The following MUC7 variants were observed in gnomAD, a reference collection of about 807,000 sequenced individuals.
MUC7 encodes mucin-7.
A neutral mutation model predicts 2.5 loss-of-function variants in MUC7; 2 were observed. The ratio of observed to expected loss-of-function variants is 0.81; its 90% CI spans 0.33 to 2.55. The LOEUF is 2.55. Ranked by LOEUF, MUC7 falls within the 30% of genes most tolerant of loss-of-function variation. The pLI is 0.11. For synonymous variants in MUC7, 133 were observed against 173.4 expected (o/e 0.77, Z 1.83); for missense variants, 408 against 455.6 (o/e 0.90, Z 0.95).
intron 1 of MUC7, among the ~76,000 whole-genome samples, chr4:70,472,578 T>C (rs1734862942): frequency 6.6e-6 from 1 of 152,204 alleles, no homozygotes; most frequent in African/African-American, 2.4e-5. Flanking sequence ...GTTTTCTTCT[T>C]AGTGTGCTAG....
intron 1 of MUC7, among the ~76,000 whole-genome samples, chr4:70,438,597 C>T (rs534457432): frequency 1.4e-4 from 22 of 152,170 alleles, no homozygotes; most frequent in South Asian, 4.2e-4. Context: ...CCTGGGACTA[C>T]GGGCATGCAC....
rs1735223844 is a variant in MUC7 at position 70,482,301 on chromosome 4, G to T, written c.*423G>T. 6.0e-6 allele frequency: 1 copy of T among 165,776 alleles called. No individual in the cohort carries two copies. Among genetic ancestry groups the T allele is most frequent in the Admixed American group, 5.7e-5 (1 of 17,630 alleles). 10.3% of individuals were successfully genotyped at this position (165,776 alleles called of 1,614,324 possible). A position where few individuals can be genotyped will look rare whatever the true frequency, so the allele number is the denominator to read the frequency against. On this transcript the variant is annotated 3_prime_UTR_variant, in exon 3 of 3. Transcript: ENST00000304887. ...GGGGTAAAATTGGAACTCTCCAGAT[G>T]AACAAAGACATCTAAATATCTGTAG...
chr4:70,454,361 C>T (rs1336010113), intron 1 of MUC7, among the ~76,000 whole-genome samples: 2 of 152,210 alleles, frequency 1.3e-5, no homozygotes, highest in Non-Finnish European at 2.9e-5. Flanking sequence ...TAGAGCTGGT[C>T]TCATTTTCCT....
chr4:70,436,309 C>G (rs963028275), intron 1 of MUC7, among the ~76,000 whole-genome samples: 2 of 152,130 alleles, frequency 1.3e-5, no homozygotes, highest in Non-Finnish European at 2.9e-5. Flanking sequence ...TAATTTGGTT[C>G]CATTCTCACC....
rs1735193762 is a variant in MUC7, at chr4:70,481,597, C to T, written c.853C>T (p.Pro285Ser). ...TCCACCAGAGACCACAGCTGCCCCACCCACACCTTCTGCAACTACACCAGC... is the reference window on the plus strand; with the variant it reads ...TCCACCAGAGACCACAGCTGCCCCATCCACACCTTCTGCAACTACACCAGC... ...SAPPETTAAP[P>S]TPSATTPAPP... is the part of the protein sequence containing the mutation. The change falls in exon 3 of 3, where the codon CCC becomes TCC. Residue 285 changes from proline to serine, a missense_variant. This residue lies in a region of MUC7 where 175 missense variants were observed against 187.1 expected (regional missense o/e 0.94). Coordinates refer to ENST00000304887, the MANE Select transcript of MUC7 (RefSeq NM_152291.3). 6.2e-7 allele frequency: 1 copy of T among 1,612,574 alleles called. No individual in the cohort carries two copies. Among genetic ancestry groups the T allele is most frequent in the Non-Finnish European group, 8.5e-7 (1 of 1,179,522 alleles).
At chr4:70,448,047 C>G (rs1734188909) in intron 1 of MUC7, among the ~76,000 whole-genome samples, 1 of 152,108 alleles carries the variant, frequency 6.6e-6, no homozygotes, top group Non-Finnish European at 1.5e-5. Flanking sequence ...CAACTTTTTT[C>G]TTTCTGTAAC....
intron 1 of MUC7, among the ~76,000 whole-genome samples, chr4:70,450,975 C>T (rs1734264984): frequency 1.7e-5 from 2 of 117,092 alleles, no homozygotes; most frequent in Admixed American, 1.0e-4. Context: ...ATGTTGCATG[C>T]CCCCCCAGTC....
At position 70,457,422 on chromosome 4, in the gene MUC7, A is replaced by T. The variant is rs148635395; in HGVS notation, c.-92-14793A>T. 2.3e-4 allele frequency among the ~76,000 whole-genome samples: 35 copies of T among 152,252 alleles called. No homozygotes were observed. The East Asian group carries it at 6.7e-3, about 29-fold the overall frequency. On this transcript the variant is annotated intron_variant, in intron 1 of 3. Transcript: ENST00000413702. ...ATGCCACAGCACTCTAGCCTGGGTG[A>T]CAGAGCAAGACCTTGTCTCAATCAA...
At chr4:70,463,559 C>T (rs913681163) in intron 1 of MUC7, among the ~76,000 whole-genome samples, 4 of 152,174 alleles carry the variant, frequency 2.6e-5, no homozygotes, top group Non-Finnish European at 5.9e-5. Context: ...AAGAGCAGAA[C>T]TCAGTTGACA....
Position 70,463,422 on chromosome 4 carries a change from A to G in MUC7, c.-92-8793A>G, listed in dbSNP as rs528533154. Among the ~76,000 whole-genome samples the G allele has an allele frequency of 2.6e-5, 4 of 152,326 alleles. No individual in the cohort carries two copies. In the East Asian group the frequency reaches 5.8e-4, roughly 22 times the overall value. On this transcript the variant is annotated intron_variant, in intron 1 of 3. Transcript: ENST00000413702. ...CTTTTCAATCGATTAACCATGCTCT[A>G]GTTGTGGCTATAGCAAATGAGAAGT...
intron 1 of MUC7, among the ~76,000 whole-genome samples, chr4:70,472,906 T>A (rs181695564): frequency 1.5e-4 from 23 of 152,352 alleles, no homozygotes; most frequent in African/African-American, 5.5e-4. Flanking sequence ...ATTTAACCTT[T>A]ATTTTGTTTT....
intron 1 of MUC7, among the ~76,000 whole-genome samples, chr4:70,431,387 T>C (rs1733660465): frequency 6.6e-6 from 1 of 152,030 alleles, no homozygotes; most frequent in Non-Finnish European, 1.5e-5. Context: ...ATACAAACAA[T>C]AAACATCTTC....
At chr4:70,449,720 G>A (rs114493026) in intron 1 of MUC7, among the ~76,000 whole-genome samples, 11,296 of 152,198 alleles carry the variant, frequency 0.074, 635 homozygotes, top group East Asian at 0.19. Context: ...TGCCTTGATG[G>A]TCTTGGACAA....
chr4:70,452,869 A>G lies in MUC7; in HGVS notation c.-92-19346A>G, dbSNP rs183104610. 1.4e-3 allele frequency among the ~76,000 whole-genome samples: 212 copies of G among 152,302 alleles called. 1 individual carries two copies. The highest frequency in any genetic ancestry group is 4.4e-3 in the African/African-American group (181 of 41,576). The stretch of plus-strand genomic sequence containing the variant: ...AATTCCCTTTAGCATTTCTTGTAAG[A>G]CAGGTCTGGTGTTGATGAAATCCCT... On this transcript the variant is annotated intron_variant, in intron 1 of 3. Coordinates refer to the MUC7 transcript ENST00000413702.
intron 1 of MUC7, among the ~76,000 whole-genome samples, chr4:70,457,556 CAAAG>C (rs1734444271): frequency 6.6e-6 from 1 of 151,988 alleles, no homozygotes; most frequent in African/African-American, 2.4e-5. Flanking sequence ...ATAGAGAAAA[CAAAG>C]AACTCAAAAA....
At chr4:70,452,214 C>A (rs1390291764) in intron 1 of MUC7, among the ~76,000 whole-genome samples, 1 of 152,158 alleles carries the variant, frequency 6.6e-6, no homozygotes, top group Non-Finnish European at 1.5e-5. Context: ...CTCAGCAATT[C>A]TATGTCTTTT....
At chr4:70,443,409 C>T (rs571871364) in intron 1 of MUC7, among the ~76,000 whole-genome samples, 40 of 151,894 alleles carry the variant, frequency 2.6e-4, no homozygotes, top group Admixed American at 1.0e-3. Flanking sequence ...GTAACTCAAC[C>T]CCCTAACAAA....
At chr4:70,445,045 CAAAACAAAACA>C (rs1008167484) in intron 1 of MUC7, among the ~76,000 whole-genome samples, 4 of 152,098 alleles carry the variant, frequency 2.6e-5, no homozygotes, top group Non-Finnish European at 5.9e-5. Context: ...AACAAACAAA[CAAAACAAAACA>C]AAAACAAACA....
chr4:70,431,023 A>G (rs913779685), intron 1 of MUC7, among the ~76,000 whole-genome samples: 4 of 152,146 alleles, frequency 2.6e-5, no homozygotes, highest in African/African-American at 9.6e-5. Context: ...TAGTCCTAAA[A>G]TAATTCACTG....
Sources: allele counts gnomAD v4.1 joint callset (sites outside exome capture counted in the v4.1 genomes callset), GRCh38; gene constraint gnomAD v4.1.1; regional missense constraint gnomAD v4.1.1; transcripts MANE v1.5; gene names NCBI Gene and HGNC (gene_info 2026-07-23, HGNC 2026-07-21).